The following CELF2 variants were observed in gnomAD, a reference collection of about 807,000 sequenced individuals.
The protein encoded by CELF2 is CUG triplet repeat RNA-binding protein 2.
A neutral mutation model predicts 62.6 loss-of-function variants in CELF2; 8 were observed. The observed-to-expected ratio is 0.13, with a 90% CI of 0.07 to 0.23. The LOEUF is 0.23. CELF2 is among the 10% of genes least tolerant of loss of function. CELF2 has a pLI of 1.00. For synonymous variants in CELF2, 258 were observed against 250.0 expected (o/e 1.03, Z -0.30); for missense variants, 333 against 671.0 (o/e 0.50, Z 5.56).
chr10:10,506,984 G>A, the CELF2 span, among the ~76,000 whole-genome samples: 1 of 151,982 alleles, frequency 6.6e-6, no homozygotes, highest in African/African-American at 2.4e-5. Context: ...GCATATTAAA[G>A]CCACGTTCCA....
chr10:11,249,307 G>A (rs1327745821), intron 4 of CELF2, 106 bp downstream of exon 4: 5 of 862,740 alleles, frequency 5.8e-6, no homozygotes, highest in Non-Finnish European at 1.9e-6. Context: ...CTCTCTAGAG[G>A]ACAGAGAGCG....
In CELF2 at chr10:11,178,221, G is replaced by T. The variant is rs1037870868; in HGVS notation, c.271+12539G>T. On this transcript the variant is annotated intron_variant, in intron 2 of 12. Coordinates refer to ENST00000633077, the MANE Select transcript of CELF2 (RefSeq NM_001326342.2). The surrounding 1 kb of genome is among the most constrained non-coding windows in gnomAD (Gnocchi z 4.3). ...CTTTGCCAACCGGGCTGCTGAGTGT[G>T]ATGCTCCCTTTGTGAAGTGGACATC... 1.1e-4 allele frequency among the ~76,000 whole-genome samples: 17 copies of T among 152,228 alleles called. No individual in the cohort carries two copies. The highest frequency in any genetic ancestry group is 3.9e-4 in the African/African-American group (16 of 41,464).
At chr10:11,323,048 G>A (rs2141040244) in intron 11 of CELF2, among the ~76,000 whole-genome samples, 1 of 152,144 alleles carries the variant, frequency 6.6e-6, no homozygotes, top group Non-Finnish European at 1.5e-5. Context: ...AGCAGTTTAG[G>A]GATGAAGTCT....
the CELF2 span, among the ~76,000 whole-genome samples, chr10:10,483,541 CCT>C: frequency 6.6e-6 from 1 of 152,100 alleles, no homozygotes; most frequent in Non-Finnish European, 1.5e-5. Flanking sequence ...GAAAATGACC[CCT>C]TTCTTTGCCT....
chr10:10,679,888 A>G, the CELF2 span, among the ~76,000 whole-genome samples: 1 of 152,168 alleles, frequency 6.6e-6, no homozygotes, highest in Non-Finnish European at 1.5e-5. Flanking sequence ...TGAATGCTTC[A>G]GTTGCTGCAC....
chr10:11,103,215 G>A (rs146700545), intron 1 of CELF2, among the ~76,000 whole-genome samples: 7 of 152,110 alleles, frequency 4.6e-5, no homozygotes, highest in African/African-American at 1.7e-4. Context: ...CTTTGCCAGA[G>A]CCAACCCCAC....
At chr10:10,607,854 G>A in the CELF2 span, among the ~76,000 whole-genome samples, 1 of 152,184 alleles carries the variant, frequency 6.6e-6, no homozygotes, top group Non-Finnish European at 1.5e-5. Context: ...ACTTTGGGAG[G>A]CAGAGGCAGG....
the CELF2 span, among the ~76,000 whole-genome samples, chr10:10,464,424 C>T: frequency 6.6e-6 from 1 of 151,078 alleles, no homozygotes; most frequent in African/African-American, 2.4e-5. Flanking sequence ...CAGTACTTGT[C>T]TTTTTTTTTA....
chr10:11,272,531 G>T (rs376235095), intron 7 of CELF2, among the ~76,000 whole-genome samples: 1 of 152,186 alleles, frequency 6.6e-6, no homozygotes, highest in Non-Finnish European at 1.5e-5. Flanking sequence ...CTTCTAGCAC[G>T]TCTCCTGTGC....
the CELF2 span, among the ~76,000 whole-genome samples, chr10:10,615,730 G>T: frequency 6.6e-6 from 1 of 152,098 alleles, no homozygotes; most frequent in South Asian, 2.1e-4. Context: ...CACCATGTAA[G>T]ATGTGCTTGC....
At chr10:11,286,744 A>G (rs937753167) in intron 8 of CELF2, among the ~76,000 whole-genome samples, 6 of 152,206 alleles carry the variant, frequency 3.9e-5, no homozygotes, top group Non-Finnish European at 8.8e-5. Flanking sequence ...TGATGAAGCA[A>G]GGTTGCCAGA....
At chr10:10,831,400 A>G (rs1336247122) in intron 1 of CELF2, among the ~76,000 whole-genome samples, 1 of 152,206 alleles carries the variant, frequency 6.6e-6, no homozygotes, top group Non-Finnish European at 1.5e-5. Flanking sequence ...GTTGGCACAG[A>G]CTGTTGTGTG....
chr10:11,090,141 G>T (rs1385259491), intron 1 of CELF2, among the ~76,000 whole-genome samples: 2 of 151,454 alleles, frequency 1.3e-5, no homozygotes, highest in Non-Finnish European at 2.9e-5. Context: ...ATATACCCAG[G>T]TTACAAACCT....
chr10:10,584,705 T>A, the CELF2 span, among the ~76,000 whole-genome samples: 1 of 152,200 alleles, frequency 6.6e-6, no homozygotes, highest in Admixed American at 6.5e-5. Flanking sequence ...GGAACCACTG[T>A]CTTTAACGCT....
intron 9 of CELF2, among the ~76,000 whole-genome samples, chr10:11,291,812 T>C (rs2092567727): frequency 6.6e-6 from 1 of 152,226 alleles, no homozygotes; most frequent in Non-Finnish European, 1.5e-5. Flanking sequence ...GAAGATAATG[T>C]TTGTCTTCCA....
chr10:10,609,441 C>T, the CELF2 span, among the ~76,000 whole-genome samples: 4 of 150,488 alleles, frequency 2.7e-5, no homozygotes, highest in South Asian at 4.2e-4. Context: ...CAAGATTTCC[C>T]GAATACCACC....
intron 2 of CELF2, among the ~76,000 whole-genome samples, chr10:10,945,851 G>C (rs1162320015): frequency 6.6e-6 from 1 of 152,204 alleles, no homozygotes; most frequent in Non-Finnish European, 1.5e-5. Flanking sequence ...ATTTCTGGCT[G>C]GGTTATTATG....
At chr10:10,468,097 G>A in the CELF2 span, among the ~76,000 whole-genome samples, 1 of 152,024 alleles carries the variant, frequency 6.6e-6, no homozygotes, top group African/African-American at 2.4e-5. Context: ...GGAATGCAAG[G>A]CAGATGCCTA....
intron 1 of CELF2, among the ~76,000 whole-genome samples, chr10:10,813,981 G>C (rs1444357648): frequency 6.6e-6 from 1 of 152,086 alleles, no homozygotes; most frequent in African/African-American, 2.4e-5. Context: ...AGATGAGAGA[G>C]AGAGAGCTGG....
Sources: allele counts gnomAD v4.1 joint callset (sites outside exome capture counted in the v4.1 genomes callset), GRCh38; gene constraint gnomAD v4.1.1; non-coding constraint Gnocchi (gnomAD v3.1); transcripts MANE v1.5; gene names NCBI Gene and HGNC (gene_info 2026-07-23, HGNC 2026-07-21).